Variants in CLMP observed in about 807,000 individuals in gnomAD.
The protein encoded by CLMP is CXADR like cell adhesion molecule.
A neutral mutation model predicts 45.2 loss-of-function variants in CLMP; 27 were observed. That is an observed-to-expected ratio of 0.60 (90% CI 0.44 to 0.82). The LOEUF (loss-of-function observed/expected upper bound fraction) is 0.82. Ranked by LOEUF, CLMP falls within the 40% of genes least tolerant of loss-of-function variation. The probability of loss-of-function intolerance (pLI) is 0.00; values close to 1 mark genes in which losing one functional copy is unlikely to be tolerated. For synonymous variants in CLMP, 167 were observed against 171.4 expected, an observed-to-expected ratio of 0.97 and a Z score of 0.20; for missense variants, 403 against 448.4, an observed-to-expected ratio of 0.90 and a Z score of 0.91.
chr11:123,122,637 G>A (rs966033079), intron 1 of CLMP, among the ~76,000 whole-genome samples: 17 of 152,146 alleles, frequency 1.1e-4, no homozygotes, highest in East Asian at 3.8e-4. Context: ...CTCTTATCCC[G>A]AGAACCTTAT....
chr11:123,150,480 AAAGGAAGGAAGG>A (rs71057397), intron 1 of CLMP, among the ~76,000 whole-genome samples: 21 of 40,982 alleles, frequency 5.1e-4, no homozygotes, highest in African/African-American at 1.4e-3. Flanking sequence ...AGAAAGAAAG[AAAGGAAGGAAGG>A]AAGGAAGGAA....
intron 1 of CLMP, among the ~76,000 whole-genome samples, chr11:123,193,820 C>A (rs1318111759): frequency 2.0e-5 from 3 of 152,104 alleles, no homozygotes; most frequent in African/African-American, 4.8e-5. Context: ...CGTGGAAGCC[C>A]TGGATAAGGA....
At chr11:123,188,719 C>G (rs1402190119) in intron 1 of CLMP, 1 of 152,194 alleles carries the variant, frequency 6.6e-6, no homozygotes, top group African/African-American at 2.4e-5. Flanking sequence ...GTGACCCAAC[C>G]GACTGCTGCT....
chr11:123,090,427 A>G (rs1213624422), intron 2 of CLMP, among the ~76,000 whole-genome samples: 3 of 152,104 alleles, frequency 2.0e-5, no homozygotes, highest in Non-Finnish European at 4.4e-5. Flanking sequence ...TCTCAAAAAA[A>G]AAAAGAAAAA....
rs775307968 is a variant in CLMP, at chr11:123,073,197, C to T, written c.*277G>A. ...TCACCTTTCCCCAACCTTCTCACCA[C>T]AGGTCCTGGTCAACAAATAGATTTG... is the stretch of plus-strand genomic sequence containing the variant. On this transcript the variant is annotated 3_prime_UTR_variant, in exon 7 of 7. Transcript: ENST00000448775. The T allele has an allele frequency of 1.8e-5, 6 of 328,392 alleles. No homozygotes were observed. The highest frequency in any genetic ancestry group is 6.3e-5 in the African/African-American group (3 of 47,314). 20.3% of individuals were successfully genotyped at this position (328,392 alleles called of 1,614,324 possible).
chr11:123,089,114 G>A (rs897314887), intron 2 of CLMP, among the ~76,000 whole-genome samples: 2 of 152,120 alleles, frequency 1.3e-5, no homozygotes, highest in Non-Finnish European at 2.9e-5. Flanking sequence ...TTTCTCGCCC[G>A]GGGCTCATGC....
intron 1 of CLMP, among the ~76,000 whole-genome samples, chr11:123,150,516 G>GAAAGC (rs1861314594): frequency 7.7e-6 from 1 of 129,334 alleles, no homozygotes. Flanking sequence ...AGGAAGGAAG[G>GAAAGC]AAGGAAGGAA....
intron 2 of CLMP, among the ~76,000 whole-genome samples, chr11:123,093,184 G>A (rs1865953592): frequency 6.6e-6 from 1 of 152,026 alleles, no homozygotes; most frequent in Non-Finnish European, 1.5e-5. Flanking sequence ...GGAATTACAG[G>A]TGTGAACCAC....
At chr11:123,106,878 G>A (rs1385798615) in intron 1 of CLMP, among the ~76,000 whole-genome samples, 4 of 151,832 alleles carry the variant, frequency 2.6e-5, no homozygotes, top group Non-Finnish European at 5.9e-5. Flanking sequence ...AAATTAGCCC[G>A]GCGAGGTGGT....
In CLMP at chr11:123,092,758, C is replaced by T. The variant is rs531089679; in HGVS notation, c.186+5037G>A. 2.6e-5 allele frequency among the ~76,000 whole-genome samples: 4 copies of T among 151,626 alleles called. No individual in the cohort carries two copies. The South Asian group carries it at 6.3e-4, about 24-fold the overall frequency. ...AACTACATGTGTGTGCCACCATGCCCGGCTAATTTTTTTGTATTTTTAGTA... is the reference window on the plus strand; with the variant it reads ...AACTACATGTGTGTGCCACCATGCCTGGCTAATTTTTTTGTATTTTTAGTA... On this transcript the variant is annotated intron_variant, in intron 2 of 6. Transcript: ENST00000448775.
At chr11:123,183,034 T>C (rs919321411) in intron 1 of CLMP, among the ~76,000 whole-genome samples, 3 of 152,206 alleles carry the variant, frequency 2.0e-5, no homozygotes. Context: ...ATGATTCAGG[T>C]ATGAATCTTC....
chr11:123,154,741 A>C (rs1861389194), intron 1 of CLMP, among the ~76,000 whole-genome samples: 1 of 152,168 alleles, frequency 6.6e-6, no homozygotes, highest in South Asian at 2.1e-4. Context: ...CTAAAATAAT[A>C]ACTGCTTTAC....
chr11:123,192,250 A>C (rs1217845487), intron 1 of CLMP, among the ~76,000 whole-genome samples: 2 of 152,232 alleles, frequency 1.3e-5, no homozygotes, highest in Non-Finnish European at 2.9e-5. Context: ...GTCAGAATGA[A>C]GTGTTTATAC....
At chr11:123,156,896 T>C (rs1213147544) in intron 1 of CLMP, among the ~76,000 whole-genome samples, 1 of 152,238 alleles carries the variant, frequency 6.6e-6, no homozygotes, top group Non-Finnish European at 1.5e-5. Flanking sequence ...CTCTGCCTTT[T>C]ACTTTGTTAA....
In CLMP at chr11:123,160,367, G is replaced by C. The variant is rs144271681; in HGVS notation, c.28+34546C>G. 5.2e-3 allele frequency among the ~76,000 whole-genome samples: 767 copies of C among 148,154 alleles called. 2 individuals carry two copies. The highest frequency in any genetic ancestry group is 7.6e-3 in the Non-Finnish European group (514 of 67,390). On this transcript the variant is annotated intron_variant, in intron 1 of 6. Coordinates refer to ENST00000448775, the MANE Select transcript of CLMP (RefSeq NM_024769.5). ...CCCTGAACTTTTTCCTGAGAAGATA[G>C]ATACTGACATTTTCAGAAGGACAGT...
chr11:123,143,218 C>T (rs1861189796), intron 1 of CLMP, among the ~76,000 whole-genome samples: 1 of 152,180 alleles, frequency 6.6e-6, no homozygotes, highest in Non-Finnish European at 1.5e-5. Flanking sequence ...TTAGAAGGGA[C>T]ATTGGCCATG....
At chr11:123,085,184 T>C (rs1865849425) in intron 2 of CLMP, among the ~76,000 whole-genome samples, 1 of 64,338 alleles carries the variant, frequency 1.6e-5, no homozygotes, top group South Asian at 5.7e-4. Context: ...CTCCCATTCT[T>C]TTTTTTTTTT....
At chr11:123,135,802 C>G in intron 1 of CLMP, 1 of 331,866 alleles carries the variant, frequency 3.0e-6, no homozygotes, top group Non-Finnish European at 6.1e-6. Flanking sequence ...TCAGTATTTT[C>G]CAGCTAGTTG....
At chr11:123,098,022 A>T (rs760113002) in intron 1 of CLMP, 70 bp from the exon 2 acceptor site, 13 of 1,294,046 alleles carry the variant, frequency 1.0e-5, no homozygotes, top group Non-Finnish European at 1.3e-5. Flanking sequence ...AAATATGACA[A>T]CAAAGAATTA....
Sources: gnomAD v4.1 joint callset for allele counts (sites outside exome capture counted in the v4.1 genomes callset) on GRCh38, gnomAD v4.1.1 for gene constraint, MANE v1.5 for transcripts, NCBI Gene and HGNC (gene_info 2026-07-23, HGNC 2026-07-21) for gene names.